Variants in ACSM3 observed in about 807,000 individuals in gnomAD.
The protein encoded by ACSM3 is acyl-coenzyme A synthetase ACSM3, mitochondrial.
ACSM3 carries 61 observed loss-of-function variants against 74.1 expected under a neutral mutation model. The ratio of observed to expected loss-of-function variants is 0.82; its 90% confidence interval spans 0.67 to 1.02. The LOEUF is 1.02. Ranked by LOEUF, ACSM3 falls within the 50% of genes least tolerant of loss-of-function variation. The probability of loss-of-function intolerance (pLI) is 0.00; values close to 1 mark genes in which losing one functional copy is unlikely to be tolerated. For synonymous variants in ACSM3, 213 were observed against 241.5 expected (o/e 0.88, Z 1.09); for missense variants, 660 against 697.0 (o/e 0.95, Z 0.60).
intron 1 of ACSM3, among the ~76,000 whole-genome samples, chr16:20,704,173 T>C (rs1035894971): frequency 3.3e-5 from 5 of 152,300 alleles, no homozygotes; most frequent in African/African-American, 1.2e-4. Context: ...ACTCTCTGGG[T>C]TTAGGCAGCT....
chr16:20,791,967 T>G (rs1454283845), intron 10 of ACSM3, 35 bp from the exon 11 acceptor site: 11 of 1,607,304 alleles, frequency 6.8e-6, no homozygotes, highest in Non-Finnish European at 8.5e-6. Context: ...AAGAGTTGGA[T>G]TCACCATAAC....
chr16:20,694,765 A>G (rs758069489), intron 1 of ACSM3, among the ~76,000 whole-genome samples: 1 of 152,164 alleles, frequency 6.6e-6, no homozygotes, highest in Non-Finnish European at 1.5e-5. Context: ...TCAGAACACC[A>G]CTGTATTTGG....
At chr16:20,720,607 C>T (rs2152391916) in intron 1 of ACSM3, among the ~76,000 whole-genome samples, 1 of 152,278 alleles carries the variant, frequency 6.6e-6, no homozygotes, top group East Asian at 1.9e-4. Context: ...GTTGGGGATC[C>T]CTAGTTTAAG....
chr16:20,737,525 A>T (rs1332907075), intron 1 of ACSM3, among the ~76,000 whole-genome samples: 1 of 152,236 alleles, frequency 6.6e-6, no homozygotes, highest in Non-Finnish European at 1.5e-5. Context: ...CTTTTATCTA[A>T]CTACCAGAAA....
chr16:20,766,928 T>A (rs890724064), intron 1 of ACSM3, among the ~76,000 whole-genome samples: 2 of 152,100 alleles, frequency 1.3e-5, no homozygotes, highest in Non-Finnish European at 2.9e-5. Context: ...CATAATTTGC[T>A]TGAATGCACA....
exon 1 of ACSM3, chr16:20,674,709 AT>A (rs2020160699): frequency 6.6e-6 from 1 of 152,198 alleles, no homozygotes; most frequent in Non-Finnish European, 1.5e-5. Context: ...CATCCAAGGC[AT>A]GCCATGGGGG....
intron 1 of ACSM3, among the ~76,000 whole-genome samples, chr16:20,701,809 T>C (rs1367623697): frequency 6.6e-6 from 1 of 152,208 alleles, no homozygotes; most frequent in Non-Finnish European, 1.5e-5. Flanking sequence ...TTTCTGTTCC[T>C]GTGTTAGTTT....
Position 20,715,842 on chromosome 16 carries a change from A to G in ACSM3, c.-189-34068A>G, listed in dbSNP as rs575055412. Among the ~76,000 whole-genome samples, 203 of 152,308 alleles carry G rather than the reference A, an allele frequency of 1.3e-3. 1 individual carries two copies. Among genetic ancestry groups the G allele is most frequent in the African/African-American group, 4.7e-3 (195 of 41,580 alleles). ...GTAAACAGTAGTATTTTATTTGCTC[A>G]TGATTCCATGGGTCAGAAATTCACA... On this transcript the variant is annotated intron_variant, in intron 1 of 3. Transcript: ENST00000561584.
chr16:20,786,297 T>A (rs955950148), intron 9 of ACSM3, 139 bp downstream of exon 9: 18 of 1,401,092 alleles, frequency 1.3e-5, no homozygotes, highest in Non-Finnish European at 1.7e-5. Context: ...TTTATAAATA[T>A]GTGAAAATGA....
intron 1 of ACSM3, chr16:20,738,838 G>GA: frequency 1.9e-6 from 3 of 1,577,020 alleles, no homozygotes; most frequent in Non-Finnish European, 2.6e-6. Flanking sequence ...AGTATTCCCT[G>GA]AGACAGGAAG....
chr16:20,782,945 G>A (rs1462605917), intron 7 of ACSM3, among the ~76,000 whole-genome samples: 3 of 152,126 alleles, frequency 2.0e-5, no homozygotes, highest in Non-Finnish European at 2.9e-5. Flanking sequence ...CTACCTTTCC[G>A]GCACGTGGTG....
intron 2 of ACSM3, among the ~76,000 whole-genome samples, chr16:20,773,869 G>A (rs1027314041): frequency 3.9e-5 from 6 of 152,144 alleles, no homozygotes; most frequent in Non-Finnish European, 5.9e-5. Context: ...AAATATCTGC[G>A]AGGTCCATTT....
chr16:20,752,727 A>G (rs779501456), intron 2 of ACSM3, among the ~76,000 whole-genome samples: 5 of 152,236 alleles, frequency 3.3e-5, no homozygotes, highest in Non-Finnish European at 7.3e-5. Flanking sequence ...ATAGATATAG[A>G]TAACAATTAT....
At chr16:20,733,897 G>T (rs1346048740) in intron 1 of ACSM3, 1 of 151,664 alleles carries the variant, frequency 6.6e-6, no homozygotes, top group Non-Finnish European at 1.5e-5. Flanking sequence ...TTTAACTGAC[G>T]TAATTTTTTA....
chr16:20,718,287 G>A (rs1004374799), intron 1 of ACSM3: 5 of 418,392 alleles, frequency 1.2e-5, no homozygotes, highest in African/African-American at 6.2e-5. Flanking sequence ...CTGAGCAGAA[G>A]AAATATCAGA....
rs1456104004 is a variant in ACSM3, at chr16:20,767,313, C to A, written c.-51-2671C>A. On this transcript the variant is annotated intron_variant, in intron 1 of 13. Coordinates refer to ENST00000289416, the MANE Select transcript of ACSM3 (RefSeq NM_005622.4). Reference sequence around the variant, plus strand: ...CGGGCGGATCACGAGGTCAGGAGATCGAGACCATCCTGGCTAACACGGTGA... The same window carrying A: ...CGGGCGGATCACGAGGTCAGGAGATAGAGACCATCCTGGCTAACACGGTGA... Among the ~76,000 whole-genome samples, 2 of 17,842 alleles carry A rather than the reference C, an allele frequency of 1.1e-4. 1 individual carries two copies. The highest frequency in any genetic ancestry group is 7.2e-4 in the Admixed American group (2 of 2,766). 11.7% of individuals were successfully genotyped at this position (17,842 alleles called of 152,430 possible).
chr16:20,780,495 T>C (rs1229762335), intron 4 of ACSM3: 12 of 859,618 alleles, frequency 1.4e-5, no homozygotes, highest in Middle Eastern at 7.2e-4. Context: ...AAAGCAGCTA[T>C]TATAAATGGG....
chr16:20,780,545 C>T, intron 4 of ACSM3, 169 bp from the exon 5 acceptor site: 1 of 1,421,088 alleles, frequency 7.0e-7, no homozygotes, highest in Non-Finnish European at 9.6e-7. Flanking sequence ...TAGAAAGCAC[C>T]TAAAAGGATA....
At position 20,682,003 on chromosome 16, in the gene ACSM3, A is replaced by G. The variant is rs2079455441; in HGVS notation, c.-190+7181A>G. 8 of 386,888 alleles carry G rather than the reference A, an allele frequency of 2.1e-5. No homozygotes were observed. In the South Asian group the frequency reaches 2.4e-4, roughly 12 times the overall value. 24.0% of individuals were successfully genotyped at this position (386,888 alleles called of 1,614,324 possible). A position where few individuals can be genotyped will look rare whatever the true frequency, so the allele number is the denominator to read the frequency against. ...AAGAAATGATGTAATACATGTCTCA[A>G]CTGAATAACTGTCTTTGTTTCTCAC... On this transcript the variant is annotated intron_variant, in intron 1 of 3. Transcript: ENST00000561584.
Sources: gnomAD v4.1 joint callset for allele counts (sites outside exome capture counted in the v4.1 genomes callset) on GRCh38, gnomAD v4.1.1 for gene constraint, MANE v1.5 for transcripts, NCBI Gene and HGNC (gene_info 2026-07-23, HGNC 2026-07-21) for gene names.